The following CDK5RAP2 variants were observed in gnomAD, a reference collection of about 807,000 sequenced individuals.
CDK5RAP2 encodes CDK5 regulatory subunit associated protein 2.
A neutral mutation model predicts 232.9 loss-of-function variants in CDK5RAP2; 147 were observed. That is an observed-to-expected ratio of 0.63 (90% CI 0.55 to 0.72). The LOEUF (loss-of-function observed/expected upper bound fraction) is 0.72, where lower values mean the gene tolerates loss of function less well. Ranked by LOEUF, CDK5RAP2 falls within the 30% of genes least tolerant of loss-of-function variation. The probability of loss-of-function intolerance (pLI) is 0.00; values close to 1 mark genes in which losing one functional copy is unlikely to be tolerated. For missense variants in CDK5RAP2, 2,195 were observed against 2,231.5 expected (o/e 0.98, Z 0.33); for synonymous variants, 833 against 833.7 (o/e 1.00, Z 0.01).
intron 3 of CDK5RAP2, among the ~76,000 whole-genome samples, chr9:120,557,668 A>T (rs1231688997): frequency 3.9e-5 from 6 of 151,920 alleles, no homozygotes; most frequent in South Asian, 2.1e-4. Context: ...CTGAGGCTGG[A>T]GGATCACTTG....
At chr9:120,550,232 G>A (rs533287690) in intron 4 of CDK5RAP2, among the ~76,000 whole-genome samples, 3 of 152,296 alleles carry the variant, frequency 2.0e-5, no homozygotes, top group East Asian at 3.9e-4. Context: ...CAAGCACACA[G>A]GAATACCGAA....
chr9:120,411,279 A>G (rs1012855598), intron 29 of CDK5RAP2, 79 bp downstream of exon 29: 8 of 880,230 alleles, frequency 9.1e-6, no homozygotes, highest in Admixed American at 1.7e-5. Context: ...TAGGTTGGTC[A>G]GACTCCAATG....
chr9:120,529,874 A>C, intron 8 of CDK5RAP2, 104 bp downstream of exon 8: 1 of 1,104,750 alleles, frequency 9.1e-7, no homozygotes, highest in Admixed American at 1.7e-5. Context: ...TCATATTTAG[A>C]AGCAGGCTGT....
At chr9:120,456,211 C>G (rs150131116) in intron 20 of CDK5RAP2, among the ~76,000 whole-genome samples, 3 of 152,274 alleles carry the variant, frequency 2.0e-5, no homozygotes, top group Non-Finnish European at 4.4e-5. Context: ...AAATGCAGGT[C>G]TGGGTGAGGT....
chr9:120,549,177 C>G (rs1342754145), intron 4 of CDK5RAP2, among the ~76,000 whole-genome samples: 1 of 148,984 alleles, frequency 6.7e-6, no homozygotes, highest in African/African-American at 2.5e-5. Context: ...AAAAAAGAGA[C>G]AGAAAGATAT....
intron 12 of CDK5RAP2, among the ~76,000 whole-genome samples, chr9:120,503,061 C>T (rs147233249): frequency 5.3e-4 from 80 of 152,306 alleles, no homozygotes; most frequent in African/African-American, 1.9e-3. Context: ...AGTTCTAGTG[C>T]TGAAATCCAA....
chr9:120,428,334 G>T (rs1280025830), intron 25 of CDK5RAP2, among the ~76,000 whole-genome samples: 2 of 152,102 alleles, frequency 1.3e-5, no homozygotes, highest in African/African-American at 2.4e-5. Context: ...TTTGTGAAAG[G>T]ATCAACAAAA....
At chr9:120,432,943 A>T (rs2035368471) in intron 25 of CDK5RAP2, among the ~76,000 whole-genome samples, 1 of 152,192 alleles carries the variant, frequency 6.6e-6, no homozygotes, top group Admixed American at 6.5e-5. Flanking sequence ...AATGAAAACT[A>T]GCTTATTTAG....
At chr9:120,519,779 C>T (rs1329198681) in intron 11 of CDK5RAP2, among the ~76,000 whole-genome samples, 1 of 152,350 alleles carries the variant, frequency 6.6e-6, no homozygotes, top group African/African-American at 2.4e-5. Context: ...ATTCCCACTG[C>T]CATGTCCTAG....
chr9:120,495,899 C>T (rs2131670999), intron 12 of CDK5RAP2, among the ~76,000 whole-genome samples: 3 of 81,478 alleles, frequency 3.7e-5, no homozygotes, highest in South Asian at 6.7e-4. Context: ...GCCCCTCAGC[C>T]CGGCCAGCCA....
At chr9:120,414,020 C>A (rs760886104) in intron 28 of CDK5RAP2, among the ~76,000 whole-genome samples, 2 of 152,200 alleles carry the variant, frequency 1.3e-5, no homozygotes, top group Non-Finnish European at 2.9e-5. Context: ...CACTATCTTT[C>A]CAGAACTCAA....
Position 120,406,989 on chromosome 9 carries a change from G to A in CDK5RAP2, c.4963+23C>T, listed in dbSNP as rs539824734. 4 of 1,539,388 alleles carry A rather than the reference G, an allele frequency of 2.6e-6. No individual in the cohort carries two copies. In the East Asian group the frequency reaches 9.0e-5, roughly 35 times the overall value. On this transcript the variant is annotated intron_variant, in intron 32 of 37. Transcript: ENST00000349780. Reference sequence around the variant, plus strand: ...ATGCTCAGAGCTGCATTCTCAGCAAGTGGGGAGAGGCAGGGGCAGTACCGT... The same window carrying A: ...ATGCTCAGAGCTGCATTCTCAGCAAATGGGGAGAGGCAGGGGCAGTACCGT...
At chr9:120,481,444 T>G (rs1275603994) in intron 14 of CDK5RAP2, among the ~76,000 whole-genome samples, 1 of 152,126 alleles carries the variant, frequency 6.6e-6, no homozygotes, top group Non-Finnish European at 1.5e-5. Flanking sequence ...TGTGTGACTT[T>G]ATGAACCATG....
chr9:120,572,887 A>G (rs1322308218), intron 1 of CDK5RAP2, among the ~76,000 whole-genome samples: 1 of 152,260 alleles, frequency 6.6e-6, no homozygotes, highest in East Asian at 1.9e-4. Context: ...ATTTACCATC[A>G]TTAGAATTGC....
intron 15 of CDK5RAP2, among the ~76,000 whole-genome samples, chr9:120,472,267 T>C (rs922301736): frequency 2.0e-5 from 3 of 152,254 alleles, no homozygotes; most frequent in African/African-American, 7.2e-5. Context: ...CCACTTACTT[T>C]AACTCATCCC....
intron 14 of CDK5RAP2, among the ~76,000 whole-genome samples, chr9:120,480,932 CACA>C (rs2038271562): frequency 6.6e-6 from 1 of 152,186 alleles, no homozygotes; most frequent in Non-Finnish European, 1.5e-5. Context: ...GCCTTTTGTA[CACA>C]ACAACAGTAT....
At chr9:120,433,572 A>G (rs7025822) in intron 25 of CDK5RAP2, among the ~76,000 whole-genome samples, 2,239 of 152,326 alleles carry the variant, frequency 0.015, 56 homozygotes, top group African/African-American at 0.051. Flanking sequence ...CCCAGCTCCA[A>G]TGACTGCATT....
In CDK5RAP2 at chr9:120,407,048, A is replaced by G; in HGVS notation, c.4927T>C (p.Ser1643Pro). 6.2e-7 allele frequency: 1 copy of G among 1,614,170 alleles called. No individual in the cohort carries two copies. The highest frequency in any genetic ancestry group is 8.5e-7 in the Non-Finnish European group (1 of 1,180,014). Residue 1643 changes from serine to proline, a missense_variant, in exon 32 of 38, where the codon TCC becomes CCC. Transcript: ENST00000349780. ...GGCTGAAGGGGCACCTCAGGGATGG[A>G]CACGGCTTGGACAGCCAGAGTGAGG... Reference protein sequence around the residue: ...GALTLAVQAVSIPEVPLQPDK... With the variant: ...GALTLAVQAVPIPEVPLQPDK...
At chr9:120,575,715 C>T (rs2043009033) in intron 1 of CDK5RAP2, among the ~76,000 whole-genome samples, 1 of 152,130 alleles carries the variant, frequency 6.6e-6, no homozygotes, top group African/African-American at 2.4e-5. Context: ...GGCTCCTCCT[C>T]GCTCCCATCT....
Sources: gnomAD v4.1 joint callset for allele counts (sites outside exome capture counted in the v4.1 genomes callset) on GRCh38, gnomAD v4.1.1 for gene constraint, MANE v1.5 for transcripts, NCBI Gene and HGNC (gene_info 2026-07-23, HGNC 2026-07-21) for gene names.